The following RAB32 variants were observed in gnomAD, a reference collection of about 807,000 sequenced individuals.
The protein encoded by RAB32 is RAB32, member RAS oncogene family.
Under a neutral mutation model 17.5 loss-of-function variants are expected in RAB32, and 17 were observed. That is an observed-to-expected ratio of 0.97 (90% confidence interval 0.67 to 1.46). RAB32 has a LOEUF of 1.46. Among genes scored for constraint, RAB32 ranks in the 40% most tolerant of loss-of-function variants. The pLI is 0.00. For synonymous variants in RAB32, 115 were observed against 111.1 expected (o/e 1.04, Z -0.22); for missense variants, 288 against 284.3 (o/e 1.01, Z -0.09).
intron 2 of RAB32, 46 bp from the exon 3 acceptor site, chr6:146,554,410 G>A: frequency 6.4e-7 from 1 of 1,561,614 alleles, no homozygotes; most frequent in South Asian, 1.2e-5. Context: ...CTTATTCTAA[G>A]AATTAATCCT....
Position 146,544,033 on chromosome 6 carries a change from C to T in RAB32, c.162C>T (p.Tyr54=). 1.2e-6 allele frequency: 2 copies of T among 1,613,960 alleles called. No individual in the cohort carries two copies. The highest frequency in any genetic ancestry group is 1.7e-6 in the Non-Finnish European group (2 of 1,179,972). ...RYVHQLFSQH[Y]RATIGVDFAL... is the part of the protein sequence containing the mutation. ...TCCACCAGCTCTTCTCCCAGCACTA[C>T]CGGGCCACCATCGGGGTGGACTTCG... The change falls in exon 1 of 3, where the codon TAC becomes TAT. Residue 54 remains tyrosine, a synonymous_variant. Coordinates refer to ENST00000367495, the MANE Select transcript of RAB32 (RefSeq NM_006834.5).
chr6:146,553,228 A>G lies in RAB32; in HGVS notation c.529-1228A>G, dbSNP rs142516726. On this transcript the variant is annotated intron_variant, in intron 2 of 2. Coordinates refer to ENST00000367495, the MANE Select transcript of RAB32 (RefSeq NM_006834.5). ...TAAAAAAGTCACCATTAAACACCAC[A>G]GTGATGATTGTTGTAGGGAGGAATT... Among the ~76,000 whole-genome samples, 15 of 152,314 alleles carry G rather than the reference A, an allele frequency of 9.8e-5. No homozygotes were observed. In the East Asian group the frequency reaches 2.3e-3, roughly 24 times the overall value.
chr6:146,547,721 A>C (rs1341787026), intron 1 of RAB32, among the ~76,000 whole-genome samples: 27 of 72,190 alleles, frequency 3.7e-4, no homozygotes, highest in African/African-American at 9.6e-4. Context: ...CAGATGATTC[A>C]CAAAAAAAAA....
chr6:146,549,598 C>T lies in RAB32; in HGVS notation c.385C>T (p.His129Tyr), dbSNP rs145525064. ...GAAAAGTGATCTGGATAGTAAAGTT[C>T]ATCTTCCAAATGGCAGCCCTATCCC... ...KWKSDLDSKVHLPNGSPIPAV... is the reference protein window; with the variant it reads ...KWKSDLDSKVYLPNGSPIPAV... The change falls in exon 2 of 3, where the codon CAT (histidine) becomes TAT (tyrosine). Residue 129 changes from histidine to tyrosine, a missense_variant. By Grantham distance (83) the His-to-Tyr change is moderately conservative. Transcript: ENST00000367495. 6 of 1,614,018 alleles carry T rather than the reference C, an allele frequency of 3.7e-6. No homozygotes were observed. The African/African-American group carries it at 4.0e-5, about 11-fold the overall frequency.
intron 1 of RAB32, among the ~76,000 whole-genome samples, chr6:146,547,161 A>G (rs1300903144): frequency 1.3e-5 from 2 of 152,190 alleles, no homozygotes; most frequent in Non-Finnish European, 2.9e-5. Context: ...TAATAAATGC[A>G]TACTCAAGAT....
intron 1 of RAB32, among the ~76,000 whole-genome samples, chr6:146,548,699 TGAAAA>T (rs1779855089): frequency 6.6e-6 from 1 of 152,216 alleles, no homozygotes; most frequent in Non-Finnish European, 1.5e-5. Flanking sequence ...ATCTGTCAGA[TGAAAA>T]GAAGGGTCTT....
intron 2 of RAB32, among the ~76,000 whole-genome samples, chr6:146,552,593 T>C (rs1418244559): frequency 6.6e-6 from 1 of 152,158 alleles, no homozygotes; most frequent in Non-Finnish European, 1.5e-5. Flanking sequence ...TAGATATATG[T>C]ATGTACACAC....
chr6:146,549,335 C>T lies in RAB32; in HGVS notation c.251-129C>T, dbSNP rs1014086410. On this transcript the variant is annotated intron_variant, in intron 1 of 2. Transcript: ENST00000367495. ...GTCTGTATGGATAGCCTTAATCACA[C>T]CAGGTTATATTGCTGTGGAATGGAA... 4 of 727,924 alleles carry T rather than the reference C, an allele frequency of 5.5e-6. No individual in the cohort carries two copies. In the African/African-American group the frequency reaches 7.1e-5, roughly 13 times the overall value. 45.1% of individuals were successfully genotyped at this position (727,924 alleles called of 1,614,324 possible).
chr6:146,547,377 G>T (rs1385294315), intron 1 of RAB32, among the ~76,000 whole-genome samples: 1 of 151,948 alleles, frequency 6.6e-6, no homozygotes, highest in Non-Finnish European at 1.5e-5. Flanking sequence ...TGAGTGATTT[G>T]CTTTTTAGGA....
chr6:146,544,062 T>A lies in RAB32; in HGVS notation c.191T>A (p.Leu64His). 1 of 1,613,812 alleles carries A rather than the reference T, an allele frequency of 6.2e-7. No homozygotes were observed. Among genetic ancestry groups the A allele is most frequent in the Non-Finnish European group, 8.5e-7 (1 of 1,179,966 alleles). Residue 64 changes from leucine to histidine, a missense_variant, in exon 1 of 3, where the codon CTC (leucine) becomes CAC (histidine). Leu to His is a moderately conservative substitution (Grantham distance 99). Transcript: ENST00000367495. Reference protein sequence around the residue: ...YRATIGVDFALKVLNWDSRTL... With the variant: ...YRATIGVDFAHKVLNWDSRTL... The stretch of plus-strand genomic sequence containing the variant: ...GCCACCATCGGGGTGGACTTCGCCC[T>A]CAAGGTCCTCAACTGGGACAGCAGG...
chr6:146,549,414 G>C (rs750620914), intron 1 of RAB32, 50 bp from the exon 2 acceptor site: 81 of 1,509,960 alleles, frequency 5.4e-5, no homozygotes, highest in Non-Finnish European at 6.5e-5. Flanking sequence ...CCTAAATGTA[G>C]ACTCTGTCTG....
intron 1 of RAB32, among the ~76,000 whole-genome samples, chr6:146,547,498 A>C (rs889869986): frequency 6.6e-6 from 1 of 152,114 alleles, no homozygotes; most frequent in African/African-American, 2.4e-5. Context: ...CAAGCATAAA[A>C]TGTGTGCTTG....
chr6:146,544,171 G>GCTC, intron 1 of RAB32, 50 bp downstream of exon 1: 1 of 1,536,198 alleles, frequency 6.5e-7, no homozygotes. Context: ...GGGCCGCCTG[G>GCTC]CTCCTCTCTG....
At chr6:146,549,797 T>C in intron 2 of RAB32, 56 bp downstream of exon 2, 2 of 1,535,228 alleles carry the variant, frequency 1.3e-6, no homozygotes, top group Non-Finnish European at 1.8e-6. Flanking sequence ...TTCTGAGCTG[T>C]AAATGTAAAG....
intron 2 of RAB32, among the ~76,000 whole-genome samples, chr6:146,550,569 A>T (rs1779883835): frequency 6.6e-6 from 1 of 151,544 alleles, no homozygotes; most frequent in South Asian, 2.1e-4. Flanking sequence ...AGGCAGGAGG[A>T]TCACTTGAGT....
At chr6:146,553,011 A>T (rs888363721) in intron 2 of RAB32, among the ~76,000 whole-genome samples, 2 of 152,352 alleles carry the variant, frequency 1.3e-5, no homozygotes, top group Middle Eastern at 3.4e-3. Flanking sequence ...ATCCATGATA[A>T]AAATGAACAA....
intron 2 of RAB32, among the ~76,000 whole-genome samples, chr6:146,550,124 G>C (rs903055133): frequency 5.3e-5 from 8 of 152,152 alleles, no homozygotes; most frequent in Admixed American, 2.0e-4. Context: ...GAAGATGTGT[G>C]TCACATGCAG....
At chr6:146,546,139 C>T (rs999781208) in intron 1 of RAB32, among the ~76,000 whole-genome samples, 2 of 152,122 alleles carry the variant, frequency 1.3e-5, no homozygotes, top group African/African-American at 4.8e-5. Context: ...TTATCAGACT[C>T]TGATAAACAT....
chr6:146,545,658 T>C (rs1469214274), intron 1 of RAB32, among the ~76,000 whole-genome samples: 2 of 152,208 alleles, frequency 1.3e-5, no homozygotes, highest in Non-Finnish European at 2.9e-5. Flanking sequence ...GGGACTCAGC[T>C]TTTTGTTGTT....
Sources: gnomAD v4.1 joint callset for allele counts (sites outside exome capture counted in the v4.1 genomes callset) on GRCh38, gnomAD v4.1.1 for gene constraint, MANE v1.5 for transcripts, NCBI Gene and HGNC (gene_info 2026-07-23, HGNC 2026-07-21) for gene names.